SLC28A3: variants seen among roughly 807,000 people sequenced by gnomAD.
SLC28A3 encodes the protein solute carrier family 28 member 3, also known as concentrative Na(+)-nucleoside cotransporter 3.
A neutral mutation model predicts 84.2 loss-of-function variants in SLC28A3; 68 were observed. The ratio of observed to expected loss-of-function variants is 0.81; its 90% confidence interval spans 0.66 to 0.99. The LOEUF (loss-of-function observed/expected upper bound fraction) is 0.99, where lower values mean the gene tolerates loss of function less well. Among genes scored for constraint, SLC28A3 ranks in the 50% least tolerant of loss-of-function variants. The probability of loss-of-function intolerance (pLI) is 0.00; values close to 1 mark genes in which losing one functional copy is unlikely to be tolerated. For missense variants in SLC28A3, 712 were observed against 841.5 expected, an observed-to-expected ratio of 0.85 and a Z score of 1.90; for synonymous variants, 267 against 303.6, an observed-to-expected ratio of 0.88 and a Z score of 1.25.
intron 1 of SLC28A3, among the ~76,000 whole-genome samples, chr9:84,323,528 A>C (rs938476335): frequency 6.0e-5 from 9 of 151,094 alleles, no homozygotes. Context: ...GGGTTCAAGC[A>C]ATTCTCCTGC....
chr9:84,280,456 CACT>C (rs938590635), intron 15 of SLC28A3, among the ~76,000 whole-genome samples: 17 of 152,316 alleles, frequency 1.1e-4, no homozygotes, highest in African/African-American at 4.1e-4. Flanking sequence ...TGGCAGACAC[CACT>C]AAGAAATCAC....
intron 1 of SLC28A3, among the ~76,000 whole-genome samples, chr9:84,327,361 G>GAAA (rs11404370): frequency 3.9e-5 from 5 of 127,662 alleles, no homozygotes; most frequent in Admixed American, 7.8e-5. Context: ...TCAGAACACC[G>GAAA]AAAAAAAAAA....
Position 84,307,618 on chromosome 9 carries a change from G to T in SLC28A3, c.242+2011C>A, listed in dbSNP as rs1825848639. On this transcript the variant is annotated intron_variant, in intron 3 of 17. Transcript: ENST00000376238. ...TCTAGAAAATATTGGGTGAATAAAA[G>T]TGTAGTGAAGACATTTTTTCACGGT... Among the ~76,000 whole-genome samples, 3 of 152,132 alleles carry T rather than the reference G, an allele frequency of 2.0e-5. No homozygotes were observed. The South Asian group carries it at 6.2e-4, about 32-fold the overall frequency.
At position 84,277,025 on chromosome 9, in the gene SLC28A3, C is replaced by T. The variant is rs1215760480; in HGVS notation, c.*1193G>A. 1 of 152,168 alleles carries T rather than the reference C, an allele frequency of 6.6e-6. No individual in the cohort carries two copies. Among genetic ancestry groups the T allele is most frequent in the Non-Finnish European group, 1.5e-5 (1 of 68,032 alleles). 9.4% of individuals were successfully genotyped at this position (152,168 alleles called of 1,614,324 possible). On this transcript the variant is annotated 3_prime_UTR_variant, in exon 18 of 18. Transcript: ENST00000376238. ...GAATCTTTTTCTTAGACACTGACACCCATTCTTCAAGTTTGATACTGATGC... is the reference window on the plus strand; with the variant it reads ...GAATCTTTTTCTTAGACACTGACACTCATTCTTCAAGTTTGATACTGATGC...
intron 12 of SLC28A3, among the ~76,000 whole-genome samples, chr9:84,286,565 C>T (rs1410986585): frequency 6.7e-6 from 1 of 149,280 alleles, no homozygotes; most frequent in Non-Finnish European, 1.5e-5. Context: ...GGGTAACTTA[C>T]ATTACTTTTT....
At chr9:84,307,771 T>C (rs1355347337) in intron 3 of SLC28A3, among the ~76,000 whole-genome samples, 1 of 152,248 alleles carries the variant, frequency 6.6e-6, no homozygotes, top group Non-Finnish European at 1.5e-5. Flanking sequence ...GGTTCTTTAA[T>C]TGCAGGGAAT....
At chr9:84,292,552 AT>A (rs1825274787) in intron 10 of SLC28A3, 115 bp downstream of exon 10, 1 of 748,796 alleles carries the variant, frequency 1.3e-6, no homozygotes, top group Admixed American at 3.2e-5. Flanking sequence ...GGGGTTTCTT[AT>A]TTTGACACCA....
chr9:84,289,598 T>C (rs1825131640), intron 11 of SLC28A3, among the ~76,000 whole-genome samples: 1 of 152,228 alleles, frequency 6.6e-6, no homozygotes, highest in African/African-American at 2.4e-5. Context: ...AGCTCCCAGG[T>C]GATTCTAACG....
chr9:84,364,251 A>G, the SLC28A3 span, among the ~76,000 whole-genome samples: 36 of 151,052 alleles, frequency 2.4e-4, no homozygotes, highest in African/African-American at 8.5e-4. Context: ...CAGCCTCCCG[A>G]GTGGCTTATA....
chr9:84,302,604 G>A (rs1825673959), intron 4 of SLC28A3, among the ~76,000 whole-genome samples: 1 of 152,174 alleles, frequency 6.6e-6, no homozygotes, highest in South Asian at 2.1e-4. Flanking sequence ...AATGCTAGGA[G>A]GACAGGGTGC....
chr9:84,357,438 C>A, the SLC28A3 span, among the ~76,000 whole-genome samples: 1 of 151,806 alleles, frequency 6.6e-6, no homozygotes, highest in African/African-American at 2.4e-5. Context: ...CAGGGTTTTT[C>A]CTATAACTCT....
intron 11 of SLC28A3, among the ~76,000 whole-genome samples, chr9:84,288,732 G>T (rs4585822): frequency 0.031 from 4,702 of 152,164 alleles, 105 homozygotes; most frequent in Middle Eastern, 0.054. Context: ...TTTTAGTAGA[G>T]ATGGGGTTTC....
At chr9:84,356,072 G>A in the SLC28A3 span, among the ~76,000 whole-genome samples, 7 of 152,074 alleles carry the variant, frequency 4.6e-5, no homozygotes, top group Non-Finnish European at 1.0e-4. Flanking sequence ...GACTGCCTCA[G>A]CCTCCCAAAG....
chr9:84,350,517 A>G, the SLC28A3 span, among the ~76,000 whole-genome samples: 1 of 151,906 alleles, frequency 6.6e-6, no homozygotes, highest in Non-Finnish European at 1.5e-5. Flanking sequence ...ATAATGGTAC[A>G]CCTCTATAGG....
the SLC28A3 span, among the ~76,000 whole-genome samples, chr9:84,360,589 T>A: frequency 6.6e-6 from 1 of 152,132 alleles, no homozygotes; most frequent in Non-Finnish European, 1.5e-5. Flanking sequence ...GCTCCAACAT[T>A]TCATTACAAG....
rs973779260 is a variant in SLC28A3, at chr9:84,278,877, TG to T, written c.1949+387del. Among the ~76,000 whole-genome samples the T allele has an allele frequency of 3.3e-5, 4 of 120,154 alleles. No homozygotes were observed. In the East Asian group the frequency reaches 9.1e-4, roughly 27 times the overall value. 78.8% of individuals were successfully genotyped at this position (120,154 alleles called of 152,430 possible). A position where few individuals can be genotyped will look rare whatever the true frequency, so the allele number is the denominator to read the frequency against. ...TTCCCTAAGCCTTAATTTTGTGGAA[TG>T]AAAAAAAAAAAAAAAAGATAGTGCC... On this transcript the variant is annotated intron_variant, in intron 17 of 17. Transcript: ENST00000376238.
the SLC28A3 span, among the ~76,000 whole-genome samples, chr9:84,354,722 C>T: frequency 3.0e-3 from 448 of 151,798 alleles, 3 homozygotes; most frequent in African/African-American, 0.01. Context: ...TGGCGTGTGC[C>T]TGTAATCCCA....
chr9:84,321,439 A>G (rs909742064), intron 1 of SLC28A3, among the ~76,000 whole-genome samples: 8 of 152,038 alleles, frequency 5.3e-5, no homozygotes, highest in Non-Finnish European at 1.2e-4. Context: ...TTGTGAGATT[A>G]AGAAACATTA....
intron 10 of SLC28A3, among the ~76,000 whole-genome samples, chr9:84,292,362 A>G (rs534844381): frequency 6.6e-6 from 1 of 152,310 alleles, no homozygotes; most frequent in Admixed American, 6.5e-5. Context: ...TAATAAAATG[A>G]CAACCTTCCA....
Sources: allele counts gnomAD v4.1 joint callset (sites outside exome capture counted in the v4.1 genomes callset), GRCh38; gene constraint gnomAD v4.1.1; transcripts MANE v1.5; gene names NCBI Gene and HGNC (gene_info 2026-07-23, HGNC 2026-07-21).